The following DMC1 variants were observed in gnomAD, a reference collection of about 807,000 sequenced individuals.
DMC1 encodes DNA meiotic recombinase 1.
DMC1 carries 27 observed loss-of-function variants against 50.1 expected under a neutral mutation model. The observed-to-expected ratio is 0.54, with a 90% CI of 0.40 to 0.74. DMC1 has a LOEUF of 0.74. Ranked by LOEUF, DMC1 falls within the 30% of genes least tolerant of loss-of-function variation. DMC1 has a pLI of 0.00. For missense variants in DMC1, 295 were observed against 420.2 expected, an observed-to-expected ratio of 0.70 and a Z score of 2.60; for synonymous variants, 148 against 136.1, an observed-to-expected ratio of 1.09 and a Z score of -0.61.
chr22:38,545,416 CA>C (rs2090332534), intron 8 of DMC1, among the ~76,000 whole-genome samples: 1 of 151,684 alleles, frequency 6.6e-6, no homozygotes, highest in African/African-American at 2.4e-5. Flanking sequence ...GTCCCAAAAA[CA>C]AAACAAAACA....
chr22:38,539,598 CT>C (rs1264573956), intron 8 of DMC1, among the ~76,000 whole-genome samples, 186 bp from the exon 9 acceptor site: 2 of 152,222 alleles, frequency 1.3e-5, no homozygotes, highest in Non-Finnish European at 2.9e-5. Flanking sequence ...AGTGCCTCAA[CT>C]TACCATAGGT....
rs139118483 is a variant in DMC1 at position 38,541,687 on chromosome 22, C to T, written c.495-2275G>A. Among the ~76,000 whole-genome samples the T allele has an allele frequency of 8.1e-3, 1,228 of 152,212 alleles. 7 individuals are homozygous for T. The highest frequency in any genetic ancestry group is 0.017 in the Middle Eastern group (5 of 294). On this transcript the variant is annotated intron_variant, in intron 8 of 13. Coordinates refer to ENST00000216024, the MANE Select transcript of DMC1 (RefSeq NM_007068.4). ...CAGGTCTTCTCCCTGTAACCGGTTA[C>T]GGAAACAAAAACTCCCTCCTTTCCC...
chr22:38,539,453 A>G (rs1442502718), intron 8 of DMC1, 41 bp from the exon 9 acceptor site: 1 of 1,542,048 alleles, frequency 6.5e-7, no homozygotes, highest in African/African-American at 1.4e-5. Context: ...AGTCAATTCT[A>G]AAAAAGTTTA....
chr22:38,520,987 C>T (rs931826722), intron 13 of DMC1, among the ~76,000 whole-genome samples: 7 of 151,714 alleles, frequency 4.6e-5, no homozygotes, highest in African/African-American at 7.3e-5. Context: ...CCGCCCACCT[C>T]GGCCTCCCAA....
intron 8 of DMC1, among the ~76,000 whole-genome samples, chr22:38,539,701 G>C (rs145409423): frequency 4.0e-4 from 61 of 152,164 alleles, no homozygotes; most frequent in African/African-American, 1.5e-3. Flanking sequence ...AGTTTTTATG[G>C]CCTGTTTTAC....
chr22:38,565,013 C>T (rs999726160), intron 4 of DMC1, among the ~76,000 whole-genome samples: 2 of 152,220 alleles, frequency 1.3e-5, no homozygotes, highest in African/African-American at 4.8e-5. Context: ...AAGAGAGCTT[C>T]TCAGACTCAC....
At chr22:38,569,555 C>A (rs1159257810) in intron 1 of DMC1, among the ~76,000 whole-genome samples, 1 of 152,226 alleles carries the variant, frequency 6.6e-6, no homozygotes, top group Non-Finnish European at 1.5e-5. Flanking sequence ...TCCACATTTA[C>A]TGTCCCCATC....
At chr22:38,549,607 G>A (rs1914666119) in intron 8 of DMC1, 1 of 241,508 alleles carries the variant, frequency 4.1e-6, no homozygotes, top group African/African-American at 2.3e-5. Context: ...CTGGGCAACA[G>A]GGAGATTCCG....
chr22:38,552,824 C>A, intron 6 of DMC1, 117 bp from the exon 7 acceptor site: 1 of 729,142 alleles, frequency 1.4e-6, no homozygotes, highest in South Asian at 1.6e-5. Flanking sequence ...ACTGGCAAAT[C>A]TTACTTATAA....
In DMC1 at chr22:38,566,274, GA is replaced by G. The variant is rs547899560; in HGVS notation, c.243+315del. Among the ~76,000 whole-genome samples, 369 of 67,644 alleles carry G rather than the reference GA, an allele frequency of 5.5e-3. 1 individual carries two copies. The highest frequency in any genetic ancestry group is 0.011 in the African/African-American group (245 of 22,688). The allele number at this position is 67,644 out of a possible 152,430, so 44.4% of individuals were successfully genotyped here. On this transcript the variant is annotated intron_variant, in intron 4 of 13. Coordinates refer to ENST00000216024, the MANE Select transcript of DMC1 (RefSeq NM_007068.4). ...GGCGACAGAGCAAGACTCTGTCTCAGAAAAAAAAAAAAAAAAGGAAAGGAGA... is the reference window on the plus strand; with the variant it reads ...GGCGACAGAGCAAGACTCTGTCTCAGAAAAAAAAAAAAAAAGGAAAGGAGA...
chr22:38,511,595 G>GA, the DMC1 span, among the ~76,000 whole-genome samples: 218 of 150,936 alleles, frequency 1.4e-3, 1 homozygote, highest in Admixed American at 4.6e-3. Context: ...GTAACCTCTG[G>GA]AAAAAAAAAT....
At position 38,557,956 on chromosome 22, in the gene DMC1, C is replaced by CTTTTTTTTTTTTT. The variant is rs753724944; in HGVS notation, c.327-2560_327-2548dup. ...AATAATTAGATAATTAGACAAAGTT[C>CTTTTTTTTTTTTT]TTTTTTTTTTTTTTTTTTTTTTTTG... On this transcript the variant is annotated intron_variant, in intron 5 of 13. Coordinates refer to ENST00000216024, the MANE Select transcript of DMC1 (RefSeq NM_007068.4). Among the ~76,000 whole-genome samples, 40 of 62,696 alleles carry CTTTTTTTTTTTTT rather than the reference C, an allele frequency of 6.4e-4. 2 individuals carry two copies. The highest frequency in any genetic ancestry group is 1.1e-3 in the East Asian group (2 of 1,854). The allele number at this position is 62,696 out of a possible 152,430, so 41.1% of individuals were successfully genotyped here. A position where few individuals can be genotyped will look rare whatever the true frequency, so the allele number is the denominator to read the frequency against.
intron 4 of DMC1, among the ~76,000 whole-genome samples, chr22:38,565,906 G>T (rs184949613): frequency 1.9e-4 from 29 of 152,252 alleles, no homozygotes; most frequent in Non-Finnish European, 3.1e-4. Flanking sequence ...CAACTTCTTT[G>T]GTACTCAGTG....
intron 6 of DMC1, among the ~76,000 whole-genome samples, chr22:38,553,495 CT>C: frequency 8.1e-6 from 1 of 123,654 alleles, no homozygotes; most frequent in East Asian, 2.4e-4. Context: ...GAGACTCCGT[CT>C]CAAAAAAAAA....
At chr22:38,510,633 C>T in the DMC1 span, among the ~76,000 whole-genome samples, 2 of 152,172 alleles carry the variant, frequency 1.3e-5, no homozygotes, top group African/African-American at 4.8e-5. Flanking sequence ...TGAGCTATTT[C>T]CTTCCTCCCC....
intron 13 of DMC1, 46 bp downstream of exon 13, chr22:38,521,538 TACACACACACACACACACACACAC>T (rs111317680): frequency 2.1e-4 from 135 of 643,060 alleles, no homozygotes; most frequent in East Asian, 5.6e-4. Context: ...ACCCCGTCTC[TACACACACACACACACACACACAC>T]ACACACACAC....
downstream of DMC1, among the ~76,000 whole-genome samples, chr22:38,514,246 C>CTT (rs142872124): frequency 6.4e-4 from 46 of 71,332 alleles, 1 homozygote; most frequent in South Asian, 1.1e-3. Context: ...GTTAGGTATT[C>CTT]TTTTTTTTTT....
chr22:38,527,607 T>A (rs892513037), intron 12 of DMC1, among the ~76,000 whole-genome samples: 1 of 149,584 alleles, frequency 6.7e-6, no homozygotes, highest in African/African-American at 2.5e-5. Context: ...CAACCTCTGC[T>A]TCCTGGGTTC....
chr22:38,558,477 G>A (rs778581116), intron 5 of DMC1, among the ~76,000 whole-genome samples: 24 of 151,874 alleles, frequency 1.6e-4, no homozygotes, highest in Non-Finnish European at 2.5e-4. Flanking sequence ...TACTTTGGGA[G>A]GCCGAGGCAA....
Sources: allele counts gnomAD v4.1 joint callset (sites outside exome capture counted in the v4.1 genomes callset), GRCh38; gene constraint gnomAD v4.1.1; transcripts MANE v1.5; gene names NCBI Gene and HGNC (gene_info 2026-07-23, HGNC 2026-07-21).